TP63: variants seen among roughly 807,000 people sequenced by gnomAD.
TP63 encodes tumor protein p63.
TP63 carries 17 observed loss-of-function variants against 82.8 expected under a neutral mutation model. The ratio of observed to expected loss-of-function variants is 0.21; its 90% CI spans 0.14 to 0.31. The LOEUF is 0.31. Ranked by LOEUF, TP63 falls within the 10% of genes least tolerant of loss-of-function variation. TP63 has a pLI of 1.00. For synonymous variants in TP63, 330 were observed against 321.7 expected (o/e 1.03, Z -0.28); for missense variants, 648 against 895.3 (o/e 0.72, Z 3.52).
intron 3 of TP63, among the ~76,000 whole-genome samples, chr3:189,767,357 A>G (rs1723032125): frequency 6.6e-6 from 1 of 152,180 alleles, no homozygotes; most frequent in Non-Finnish European, 1.5e-5. Flanking sequence ...TATTAAATAA[A>G]TAGGGATAGT....
rs77338736 is a variant in TP63 at position 189,807,464 on chromosome 3, G to A, written c.325-808G>A. Among the ~76,000 whole-genome samples the A allele has an allele frequency of 6.9e-3, 1,058 of 152,284 alleles. 8 individuals carry two copies. Among genetic ancestry groups the A allele is most frequent in the African/African-American group, 0.024 (1,014 of 41,556 alleles). ...CCATTCACATAGAAGACATAAAAAC[G>A]TTTGGCAGAAGGAAATACATGAGCT... On this transcript the variant is annotated intron_variant, in intron 3 of 13. Transcript: ENST00000264731.
chr3:189,696,629 T>G (rs930338646), intron 1 of TP63, among the ~76,000 whole-genome samples: 5 of 152,170 alleles, frequency 3.3e-5, no homozygotes, highest in Non-Finnish European at 5.9e-5. Flanking sequence ...GTCAAACTGC[T>G]TTCCAAAGTA....
At position 189,894,527 on chromosome 3, in the gene TP63, TC is replaced by T. The variant is rs770897053; in HGVS notation, c.*28del. The T allele has an allele frequency of 1.2e-6, 2 of 1,611,234 alleles. No homozygotes were observed. The highest frequency in any genetic ancestry group is 1.7e-6 in the Non-Finnish European group (2 of 1,179,872). On this transcript the variant is annotated 3_prime_UTR_variant, in exon 14 of 14. Transcript: ENST00000264731. The stretch of plus-strand genomic sequence containing the variant: ...AGCCTCACCATGTGAGCTCTTCCTA[TC>T]CCTCTCCTAACTGCCAGCCCCCTAA...
chr3:189,842,615 G>A (rs1194940556), intron 4 of TP63, among the ~76,000 whole-genome samples: 3 of 152,194 alleles, frequency 2.0e-5, no homozygotes, highest in African/African-American at 7.2e-5. Flanking sequence ...ATGTCCAGTA[G>A]TCAGGAAGGT....
intron 3 of TP63, among the ~76,000 whole-genome samples, chr3:189,786,352 A>G (rs1724598771): frequency 6.6e-6 from 1 of 151,958 alleles, no homozygotes; most frequent in Non-Finnish European, 1.5e-5. Flanking sequence ...ATAAAACAAA[A>G]AAGGATAAGT....
At chr3:189,733,011 G>T (rs1291756342) in intron 1 of TP63, among the ~76,000 whole-genome samples, 1 of 152,168 alleles carries the variant, frequency 6.6e-6, no homozygotes, top group Non-Finnish European at 1.5e-5. Flanking sequence ...AGGCAGTGGG[G>T]TGGAGATCCT....
chr3:189,794,823 T>C (rs1725527944), intron 3 of TP63, among the ~76,000 whole-genome samples: 1 of 152,046 alleles, frequency 6.6e-6, no homozygotes, highest in African/African-American at 2.4e-5. Context: ...AATGCATCTC[T>C]CTGCATTGCA....
rs1721880403 is a variant in TP63, at chr3:189,752,305, C to G, written c.324+13531C>G. Among the ~76,000 whole-genome samples the G allele has an allele frequency of 3.3e-5, 5 of 152,136 alleles. No homozygotes were observed. In the South Asian group the frequency reaches 1.0e-3, roughly 32 times the overall value. ...CCTCCCATCTCAGCCTCGCAAGTAGCTGGGATTACAGGCATGTGCCACCAT... is the reference window on the plus strand; with the variant it reads ...CCTCCCATCTCAGCCTCGCAAGTAGGTGGGATTACAGGCATGTGCCACCAT... On this transcript the variant is annotated intron_variant, in intron 3 of 13. Transcript: ENST00000264731.
intron 1 of TP63, among the ~76,000 whole-genome samples, chr3:189,735,731 C>G (rs1183620788): frequency 1.3e-5 from 2 of 152,164 alleles, no homozygotes; most frequent in Admixed American, 1.3e-4. Flanking sequence ...ACACAACTTC[C>G]AGATTTACCA....
At chr3:189,602,477 C>G in the TP63 span, among the ~76,000 whole-genome samples, 4 of 152,050 alleles carry the variant, frequency 2.6e-5, no homozygotes, top group Non-Finnish European at 5.9e-5. Context: ...GAGGAGCAAG[C>G]CTGCTATGAA....
At chr3:189,657,173 G>T (rs556461041) in intron 1 of TP63, among the ~76,000 whole-genome samples, 12 of 152,122 alleles carry the variant, frequency 7.9e-5, no homozygotes, top group African/African-American at 2.9e-4. Context: ...GTTGCCAGGG[G>T]TTTGGGGTAA....
At chr3:189,760,951 C>G (rs1486967674) in intron 3 of TP63, among the ~76,000 whole-genome samples, 2 of 152,174 alleles carry the variant, frequency 1.3e-5, no homozygotes, top group East Asian at 1.9e-4. Flanking sequence ...CCCTCTGAGG[C>G]CATGGTACAA....
chr3:189,608,903 A>G, the TP63 span, among the ~76,000 whole-genome samples: 1 of 152,080 alleles, frequency 6.6e-6, no homozygotes, highest in East Asian at 1.9e-4. Context: ...AACATGTAAG[A>G]GTATTCCTTC....
At chr3:189,677,321 C>T (rs371069009) in intron 1 of TP63, among the ~76,000 whole-genome samples, 1 of 63,608 alleles carries the variant, frequency 1.6e-5, no homozygotes, top group South Asian at 6.2e-4. Flanking sequence ...ATTCTATATA[C>T]ACACACATAT....
At chr3:189,669,890 A>T (rs1388428168) in intron 1 of TP63, among the ~76,000 whole-genome samples, 1 of 152,038 alleles carries the variant, frequency 6.6e-6, no homozygotes, top group Non-Finnish European at 1.5e-5. Context: ...ACCAGTGGAA[A>T]ACAAATAGCA....
chr3:189,607,091 A>G, the TP63 span, among the ~76,000 whole-genome samples: 2 of 152,200 alleles, frequency 1.3e-5, no homozygotes, highest in African/African-American at 4.8e-5. Context: ...ATTTCTACAA[A>G]ATACCTGAGA....
At chr3:189,879,627 C>T (rs914707936) in intron 10 of TP63, among the ~76,000 whole-genome samples, 1 of 152,050 alleles carries the variant, frequency 6.6e-6, no homozygotes, top group Admixed American at 6.6e-5. Flanking sequence ...CAAGTTTCTT[C>T]TTCTTCATTC....
At chr3:189,604,968 A>G in the TP63 span, among the ~76,000 whole-genome samples, 1 of 152,092 alleles carries the variant, frequency 6.6e-6, no homozygotes, top group Non-Finnish European at 1.5e-5. Flanking sequence ...TCAACATCCT[A>G]TTTCCCTTTC....
intron 1 of TP63, among the ~76,000 whole-genome samples, chr3:189,733,072 G>A (rs1287698247): frequency 6.6e-6 from 1 of 152,100 alleles, no homozygotes; most frequent in Non-Finnish European, 1.5e-5. Flanking sequence ...GAGTCTGGAG[G>A]CTTGTTCAAG....
Sources: gnomAD v4.1 joint callset for allele counts (sites outside exome capture counted in the v4.1 genomes callset) on GRCh38, gnomAD v4.1.1 for gene constraint, MANE v1.5 for transcripts, NCBI Gene and HGNC (gene_info 2026-07-23, HGNC 2026-07-21) for gene names.